The following UGT1A4 variants were observed in gnomAD, a reference collection of about 807,000 sequenced individuals.
UGT1A4 encodes the protein UDP-glucuronosyltransferase 1A4.
In UGT1A4, 32 loss-of-function variants were observed where a neutral mutation model predicts 41.1. The observed-to-expected ratio is 0.78, with a 90% CI of 0.59 to 1.05. The LOEUF is 1.05. Among genes scored for constraint, UGT1A4 ranks in the 50% least tolerant of loss-of-function variants. The pLI, the probability that UGT1A4 is intolerant of heterozygous loss-of-function variation, is 0.00. For missense variants in UGT1A4, 748 were observed against 677.4 expected (o/e 1.10, Z -1.16); for synonymous variants, 283 against 265.1 (o/e 1.07, Z -0.66).
intron 1 of UGT1A4, chr2:233,743,913 C>T: frequency 7.3e-7 from 1 of 1,365,508 alleles, no homozygotes; most frequent in South Asian, 1.1e-5. Flanking sequence ...TAGTAGTCCA[C>T]CATGCTGGAT....
intron 1 of UGT1A4, among the ~76,000 whole-genome samples, chr2:233,720,591 T>C (rs1428416416): frequency 6.6e-6 from 1 of 152,064 alleles, no homozygotes; most frequent in Non-Finnish European, 1.5e-5. Context: ...ATTTCAGAGG[T>C]GACTTTCATT....
Position 233,768,355 on chromosome 2 carries a change from A to AG in UGT1A4, c.1226dup (p.Ala410SerfsTer13), listed in dbSNP as rs758192306. 7.4e-6 allele frequency: 12 copies of AG among 1,614,082 alleles called. No individual in the cohort carries two copies. Among genetic ancestry groups the AG allele is most frequent in the Non-Finnish European group, 1.0e-5 (12 of 1,180,036 alleles). On this transcript the variant is annotated frameshift_variant, in exon 4 of 5. Transcript: ENST00000373409. LOFTEE classifies it high-confidence loss of function. The stretch of plus-strand genomic sequence containing the variant: ...GACAATGCAAAGCGCATGGAGACTA[A>AG]GGGAGCTGGAGTGACCCTGAATGTT...
rs34946247 is a variant in UGT1A4 at position 233,761,682 on chromosome 2, A to G, written c.868-5352A>G. Among the ~76,000 whole-genome samples, 259 of 152,380 alleles carry G rather than the reference A, an allele frequency of 1.7e-3. 1 individual carries two copies. The highest frequency in any genetic ancestry group is 5.9e-3 in the African/African-American group (244 of 41,588). On this transcript the variant is annotated intron_variant, in intron 1 of 4. Coordinates refer to ENST00000373409, the MANE Select transcript of UGT1A4 (RefSeq NM_007120.3). Reference sequence around the variant, plus strand: ...AATCACCAGACAGTCAGGTTCTGACATGATACAGAAAGGTTGTAGGTTTCA... The same window carrying G: ...AATCACCAGACAGTCAGGTTCTGACGTGATACAGAAAGGTTGTAGGTTTCA...
Position 233,769,845 on chromosome 2 carries a change from G to T in UGT1A4, c.1307+1406G>T. ...ACTCCAGCAACCTGGGCAACAGAGT[G>T]AGACCCTGTCTCAAAAAAAAAAAAA... On this transcript the variant is annotated intron_variant, in intron 4 of 4. Transcript: ENST00000373409. This position sits in a 1 kb window ranked among gnomAD's most constrained non-coding sequence, Gnocchi z 4.4. The T allele has an allele frequency of 6.0e-6, 3 of 503,862 alleles. No individual in the cohort carries two copies. The highest frequency in any genetic ancestry group is 6.3e-6 in the Non-Finnish European group (2 of 319,128). 31.2% of individuals were successfully genotyped at this position (503,862 alleles called of 1,614,324 possible).
At chr2:233,730,495 C>G (rs755045545) in intron 1 of UGT1A4, among the ~76,000 whole-genome samples, 1 of 152,092 alleles carries the variant, frequency 6.6e-6, no homozygotes, top group African/African-American at 2.4e-5. Context: ...ATAGAAGTGT[C>G]AGAGAGGTTG....
intron 1 of UGT1A4, chr2:233,753,144 A>G (rs1203903017): frequency 6.6e-6 from 1 of 152,210 alleles, no homozygotes; most frequent in Non-Finnish European, 1.5e-5. Context: ...ATCTTCACAC[A>G]TGTAAGTTCC....
chr2:233,759,453 T>C (rs1697142782), intron 1 of UGT1A4, among the ~76,000 whole-genome samples: 1 of 152,190 alleles, frequency 6.6e-6, no homozygotes, highest in Non-Finnish European at 1.5e-5. Context: ...CAGGCCCAGT[T>C]AGCCACTCAA....
In UGT1A4 at chr2:233,719,393, C is replaced by T. The variant is rs759794462; in HGVS notation, c.573C>T (p.Ser191=). ...DFKGTQCPNP[S]SYIPKLLTTN... ...AGGGCACACAGTGTCCAAATCCTTC[C>T]TCCTATATTCCTAAGTTACTAACGA... Residue 191 remains serine (S), a synonymous_variant, in exon 1 of 5, where the codon TCC becomes TCT. Transcript: ENST00000373409. 2 of 1,613,946 alleles carry T rather than the reference C, an allele frequency of 1.2e-6. No individual in the cohort carries two copies. The highest frequency in any genetic ancestry group is 1.7e-6 in the Non-Finnish European group (2 of 1,179,870).
Position 233,725,768 on chromosome 2 carries a change from T to C in UGT1A4, c.867+6081T>C, listed in dbSNP as rs1448370166. Among the ~76,000 whole-genome samples, 5 of 152,306 alleles carry C rather than the reference T, an allele frequency of 3.3e-5. No individual in the cohort carries two copies. The South Asian group carries it at 1.0e-3, about 32-fold the overall frequency. ...GTAAGAGACTTACATTTTCTTCACATAGTTTGTTGTTATCATTAAATAATA... is the reference window on the plus strand; with the variant it reads ...GTAAGAGACTTACATTTTCTTCACACAGTTTGTTGTTATCATTAAATAATA... On this transcript the variant is annotated intron_variant, in intron 1 of 4. Coordinates refer to ENST00000373409, the MANE Select transcript of UGT1A4 (RefSeq NM_007120.3).
At chr2:233,728,395 C>A (rs989594953) in intron 1 of UGT1A4, among the ~76,000 whole-genome samples, 4 of 152,120 alleles carry the variant, frequency 2.6e-5, no homozygotes, top group Non-Finnish European at 4.4e-5. Context: ...GTTGTCTTGC[C>A]CATGTGTGCT....
At chr2:233,750,454 C>A (rs1301530948) in intron 1 of UGT1A4, among the ~76,000 whole-genome samples, 2 of 151,940 alleles carry the variant, frequency 1.3e-5, no homozygotes, top group Non-Finnish European at 2.9e-5. Flanking sequence ...TTCAAACCAG[C>A]TACAGAAATA....
Position 233,760,303 on chromosome 2 carries a change from C to T in UGT1A4, c.868-6731C>T, listed in dbSNP as rs2125982207. ...CAAAGGCGCCATGGCTGTGGAGTCC[C>T]AGGGCGGACGCCCACTTGTCCTGGG... On this transcript the variant is annotated intron_variant, in intron 1 of 4. Coordinates refer to ENST00000373409, the MANE Select transcript of UGT1A4 (RefSeq NM_007120.3). 2 of 1,613,696 alleles carry T rather than the reference C, an allele frequency of 1.2e-6. No individual in the cohort carries two copies. Among genetic ancestry groups the T allele is most frequent in the South Asian group, 1.1e-5 (1 of 91,060 alleles).
chr2:233,719,557 T>G lies in UGT1A4; in HGVS notation c.737T>G (p.Val246Gly). Residue 246 changes from valine to glycine, a missense_variant, in exon 1 of 5, where the codon GTG becomes GGG. Coordinates refer to ENST00000373409, the MANE Select transcript of UGT1A4 (RefSeq NM_007120.3). ...CTTTTTCAGAGAGAGGTGTCAGTGG[T>G]GGATCTTGTCAGCTATGCATCCGTG... ...SELFQREVSV[V>G]DLVSYASVWL... is the part of the protein sequence containing the mutation. 5 of 1,613,868 alleles carry G rather than the reference T, an allele frequency of 3.1e-6. No individual in the cohort carries two copies. Among genetic ancestry groups the G allele is most frequent in the Non-Finnish European group, 4.2e-6 (5 of 1,179,858 alleles).
Position 233,719,017 on chromosome 2 carries a change from A to G in UGT1A4, c.197A>G (p.Asn66Ser). The G allele has an allele frequency of 6.2e-7, 1 of 1,614,274 alleles. No individual in the cohort carries two copies. The highest frequency in any genetic ancestry group is 8.5e-7 in the Non-Finnish European group (1 of 1,180,046). Residue 66 changes from asparagine to serine, a missense_variant, in exon 1 of 5, where the codon AAT (asparagine) becomes AGT (serine). Physicochemically the swap from Asn to Ser is conservative, Grantham distance 46. Coordinates refer to ENST00000373409, the MANE Select transcript of UGT1A4 (RefSeq NM_007120.3). ...GCGGTGGTCCTCACCCCAGAGGTGAATATGCACATCAAAGAAGAGAAATTT... is the reference window on the plus strand; with the variant it reads ...GCGGTGGTCCTCACCCCAGAGGTGAGTATGCACATCAAAGAAGAGAAATTT... The part of the protein sequence containing the change: ...HQAVVLTPEV[N>S]MHIKEEKFFT...
intron 1 of UGT1A4, chr2:233,747,826 T>C: frequency 3.7e-6 from 6 of 1,613,534 alleles, no homozygotes; most frequent in Non-Finnish European, 5.1e-6. Context: ...TCAGACCACA[T>C]GACATTCCTG....
chr2:233,735,651 G>A (rs1291646517), intron 1 of UGT1A4, among the ~76,000 whole-genome samples: 3 of 152,276 alleles, frequency 2.0e-5, no homozygotes, highest in Admixed American at 6.5e-5. Context: ...GCTGGTACTG[G>A]TGTTTCTTTC....
chr2:233,772,314 G>T lies in UGT1A4; in HGVS notation c.1360G>T (p.Glu454Ter). The T allele has an allele frequency of 6.2e-7, 1 of 1,614,222 alleles. No individual in the cohort carries two copies. The highest frequency in any genetic ancestry group is 8.5e-7 in the Non-Finnish European group (1 of 1,180,048). ...LSSLHKDRPV[E>*]PLDLAVFWVE... is the part of the protein sequence containing the mutation. Reference sequence around the variant, plus strand: ...CAGCCTTCACAAGGACCGCCCGGTGGAGCCGCTGGACCTGGCCGTGTTCTG... The same window carrying T: ...CAGCCTTCACAAGGACCGCCCGGTGTAGCCGCTGGACCTGGCCGTGTTCTG... Residue 454 changes from glutamate (E) to a stop codon, truncating the protein, a stop_gained, in exon 5 of 5, where the codon GAG (glutamate) becomes TAG (stop). Transcript: ENST00000373409. LOFTEE classifies it high-confidence loss of function.
chr2:233,746,667 C>T (rs4663969), intron 1 of UGT1A4, among the ~76,000 whole-genome samples: 19 of 151,232 alleles, frequency 1.3e-4, no homozygotes, highest in Non-Finnish European at 2.4e-4. Flanking sequence ...GAGTTCCTAG[C>T]ATAGTAGGTA....
intron 1 of UGT1A4, among the ~76,000 whole-genome samples, chr2:233,728,491 C>T (rs2077722476): frequency 6.6e-6 from 1 of 152,140 alleles, no homozygotes; most frequent in South Asian, 2.1e-4. Flanking sequence ...ACATCTTGAG[C>T]TCAGCCTCCC....
Sources: allele counts gnomAD v4.1 joint callset (sites outside exome capture counted in the v4.1 genomes callset), GRCh38; gene constraint gnomAD v4.1.1; non-coding constraint Gnocchi (gnomAD v3.1); transcripts MANE v1.5; gene names NCBI Gene and HGNC (gene_info 2026-07-23, HGNC 2026-07-21).